The following ME2 variants were observed in gnomAD, a reference collection of about 807,000 sequenced individuals.
ME2 encodes the protein malic enzyme 2.
A neutral mutation model predicts 73.7 loss-of-function variants in ME2; 60 were observed. The ratio of observed to expected loss-of-function variants is 0.81; its 90% CI spans 0.66 to 1.01. The LOEUF (loss-of-function observed/expected upper bound fraction) is 1.01. ME2 is among the 50% of genes least tolerant of loss of function. The pLI, the probability that ME2 is intolerant of heterozygous loss-of-function variation, is 0.00. For synonymous variants in ME2, 199 were observed against 236.9 expected, an observed-to-expected ratio of 0.84 and a Z score of 1.47; for missense variants, 594 against 705.5, an observed-to-expected ratio of 0.84 and a Z score of 1.79.
rs1285072948 is a variant in ME2 at position 50,941,405 on chromosome 18, C to T, written c.1587+1019C>T. On this transcript the variant is annotated intron_variant, in intron 15 of 15. Transcript: ENST00000321341. ...TTTTTGAGACAGAGTCTTGCTCTGT[C>T]ACCCAGGCTTGAGTGCAGTGGCGGA... is the stretch of plus-strand genomic sequence containing the variant. Among the ~76,000 whole-genome samples, 13 of 91,570 alleles carry T rather than the reference C, an allele frequency of 1.4e-4. 1 individual carries two copies. The highest frequency in any genetic ancestry group is 5.3e-4 in the African/African-American group (11 of 20,710). 60.1% of individuals were successfully genotyped at this position (91,570 alleles called of 152,430 possible). A position where few individuals can be genotyped will look rare whatever the true frequency, so the allele number is the denominator to read the frequency against.
At chr18:50,922,218 A>AAT (rs1257605300) in intron 10 of ME2, among the ~76,000 whole-genome samples, 1 of 152,278 alleles carries the variant, frequency 6.6e-6, no homozygotes, top group African/African-American at 2.4e-5. Flanking sequence ...TTTAAAATGT[A>AAT]ATAGTAGTTA....
At chr18:50,922,608 T>C (rs1375487492) in intron 10 of ME2, among the ~76,000 whole-genome samples, 2 of 152,244 alleles carry the variant, frequency 1.3e-5, no homozygotes, top group Admixed American at 6.5e-5. Context: ...AGCATATTGG[T>C]AGGTCAGGTC....
rs533530798 is a variant in ME2 at position 50,928,514 on chromosome 18, AG to A, written c.1314+2618del. On this transcript the variant is annotated intron_variant, in intron 12 of 15. Coordinates refer to ENST00000321341, the MANE Select transcript of ME2 (RefSeq NM_002396.5). ...CGGCCTCCCAAAGTGCTGGGATTAC[AG>A]GCATGAGCCACTGCGCCCGGACTGT... is the stretch of plus-strand genomic sequence containing the variant. 3.7e-4 allele frequency among the ~76,000 whole-genome samples: 56 copies of A among 152,338 alleles called. 1 individual carries two copies. In the South Asian group the frequency reaches 9.7e-3, roughly 26 times the overall value.
chr18:50,925,458 G>A (rs1038167555), intron 11 of ME2, among the ~76,000 whole-genome samples: 3 of 152,010 alleles, frequency 2.0e-5, no homozygotes, highest in East Asian at 1.9e-4. Flanking sequence ...CAGTCTGGGC[G>A]ACAGAGCGAG....
At chr18:50,890,460 A>C (rs955901615) in intron 1 of ME2, among the ~76,000 whole-genome samples, 3 of 152,174 alleles carry the variant, frequency 2.0e-5, no homozygotes, top group African/African-American at 7.2e-5. Context: ...CTTATAAACA[A>C]ATTCAATCTC....
intron 12 of ME2, among the ~76,000 whole-genome samples, chr18:50,928,959 CCT>C (rs996431007): frequency 3.9e-5 from 6 of 151,994 alleles, no homozygotes; most frequent in African/African-American, 1.4e-4. Flanking sequence ...ATCTTGGAAA[CCT>C]CTCTTCCCCA....
intron 1 of ME2, among the ~76,000 whole-genome samples, chr18:50,887,997 A>G (rs959051989): frequency 1.3e-5 from 2 of 152,262 alleles, no homozygotes; most frequent in Non-Finnish European, 2.9e-5. Context: ...AATATCAGAA[A>G]TAGATAACTA....
intron 8 of ME2, 29 bp downstream of exon 8, chr18:50,920,594 T>A (rs368690374): frequency 1.5e-5 from 23 of 1,570,756 alleles, no homozygotes; most frequent in Non-Finnish European, 2.0e-5. Flanking sequence ...AGGGTTTTGA[T>A]TCCTACTTTT....
intron 15 of ME2, chr18:50,942,824 CA>C: frequency 4.0e-6 from 1 of 248,454 alleles, no homozygotes; most frequent in East Asian, 6.9e-5. Flanking sequence ...AATAGTTTTT[CA>C]TTTCATTTGG....
rs751999282 is a variant in ME2, at chr18:50,908,123, A to C, written c.169A>C (p.Lys57Gln). 1.2e-6 allele frequency: 2 copies of C among 1,606,226 alleles called. No individual in the cohort carries two copies. Among genetic ancestry groups the C allele is most frequent in the East Asian group, 2.2e-5 (1 of 44,638 alleles). Reference protein sequence around the residue: ...MLGLQGLLPPKIETQDIQALR... With the variant: ...MLGLQGLLPPQIETQDIQALR... ...TGGTCTTCAAGGACTTCTACCTCCCAAAATAGAGACACAAGATATTCAAGC... is the reference window on the plus strand; with the variant it reads ...TGGTCTTCAAGGACTTCTACCTCCCCAAATAGAGACACAAGATATTCAAGC... Residue 57 changes from lysine to glutamine, a missense_variant, in exon 3 of 16, where the codon AAA (lysine) becomes CAA (glutamine). Coordinates refer to ENST00000321341, the MANE Select transcript of ME2 (RefSeq NM_002396.5).
intron 3 of ME2, 48 bp from the exon 4 acceptor site, chr18:50,912,753 A>C (rs1452736412): frequency 4.3e-6 from 6 of 1,382,410 alleles, no homozygotes; most frequent in Non-Finnish European, 5.7e-6. Flanking sequence ...CAAGACTTTT[A>C]ATGTAATGCA....
intron 4 of ME2, among the ~76,000 whole-genome samples, chr18:50,914,819 TG>T (rs1403211521): frequency 6.6e-6 from 1 of 152,222 alleles, no homozygotes; most frequent in African/African-American, 2.4e-5. Context: ...CTGCCTGACC[TG>T]TGTTCTAGAA....
At chr18:50,917,965 GTC>G (rs1917322682) in intron 6 of ME2, 143 bp from the exon 7 acceptor site, 1 of 485,176 alleles carries the variant, frequency 2.1e-6, no homozygotes, top group Non-Finnish European at 3.6e-6. Context: ...GAGTGAGACT[GTC>G]TCAAAAAAGA....
intron 1 of ME2, among the ~76,000 whole-genome samples, chr18:50,895,462 T>G (rs1260436690): frequency 6.6e-6 from 1 of 152,214 alleles, no homozygotes; most frequent in African/African-American, 2.4e-5. Flanking sequence ...AAACTCTCAC[T>G]CATTAAAATG....
intron 13 of ME2, among the ~76,000 whole-genome samples, chr18:50,936,683 T>C (rs1302548378): frequency 6.6e-6 from 1 of 152,130 alleles, no homozygotes; most frequent in Non-Finnish European, 1.5e-5. Context: ...CCCAGCACTT[T>C]GGGATGTCAA....
rs1164522239 is a variant in ME2 at position 50,927,701 on chromosome 18, C to CA, written c.1314+1811dup. On this transcript the variant is annotated intron_variant, in intron 12 of 15. Transcript: ENST00000321341. The stretch of plus-strand genomic sequence containing the variant: ...TGGGTGACAGAGCAAGACTCCATCT[C>CA]AAAAAAAACCCCAAAAAACCATATA... 1.3e-4 allele frequency among the ~76,000 whole-genome samples: 12 copies of CA among 95,254 alleles called. No individual in the cohort carries two copies. The East Asian group carries it at 2.1e-3, about 17-fold the overall frequency. 62.5% of individuals were successfully genotyped at this position (95,254 alleles called of 152,430 possible).
intron 10 of ME2, among the ~76,000 whole-genome samples, chr18:50,923,584 C>T (rs1917476673): frequency 6.6e-6 from 1 of 151,904 alleles, no homozygotes; most frequent in Non-Finnish European, 1.5e-5. Context: ...GATGGCAAAA[C>T]CCCATCTCTA....
rs558021689 is a variant in ME2 at position 50,953,092 on chromosome 18, C to CTTTTTTTTTTT, written c.*5916_*5926dup. On this transcript the variant is annotated 3_prime_UTR_variant, in exon 16 of 16. Transcript: ENST00000321341. Reference sequence around the variant, plus strand: ...CTTCAGATGAGAATTCTCACTTATTCTTTTTTTTTTTTTTTTTTCTTTTCT... The same window carrying CTTTTTTTTTTT: ...CTTCAGATGAGAATTCTCACTTATTCTTTTTTTTTTTTTTTTTTTTTTTTTTTTTCTTTTCT... 2.2e-5 allele frequency: 3 copies of CTTTTTTTTTTT among 133,560 alleles called. No homozygotes were observed. The highest frequency in any genetic ancestry group is 7.6e-5 in the Admixed American group (1 of 13,242). The allele number at this position is 133,560 out of a possible 1,614,324, so 8.3% of individuals were successfully genotyped here. A position where few individuals can be genotyped will look rare whatever the true frequency, so the allele number is the denominator to read the frequency against.
intron 4 of ME2, 183 bp from the exon 5 acceptor site, chr18:50,915,985 C>T: frequency 2.0e-6 from 1 of 510,240 alleles, no homozygotes; most frequent in Non-Finnish European, 3.5e-6. Flanking sequence ...CTGCTATGAA[C>T]AGTAATTACA....
Sources: allele counts gnomAD v4.1 joint callset (sites outside exome capture counted in the v4.1 genomes callset), GRCh38; gene constraint gnomAD v4.1.1; transcripts MANE v1.5; gene names NCBI Gene and HGNC (gene_info 2026-07-23, HGNC 2026-07-21).